The following CNTLN variants were observed in gnomAD, a reference collection of about 807,000 sequenced individuals.
CNTLN encodes centlein.
In CNTLN, 212 loss-of-function variants were observed where a neutral mutation model predicts 180.0. The ratio of observed to expected loss-of-function variants is 1.18; its 90% CI spans 1.05 to 1.32. The LOEUF (loss-of-function observed/expected upper bound fraction) is 1.32. CNTLN is among the 40% of genes most tolerant of loss of function. CNTLN has a pLI of 0.00. For synonymous variants in CNTLN, 722 were observed against 563.1 expected (o/e 1.28, Z -3.99); for missense variants, 2,095 against 1,610.9 (o/e 1.30, Z -5.14).
At chr9:17,205,674 T>C (rs773238667) in intron 2 of CNTLN, among the ~76,000 whole-genome samples, 6 of 152,162 alleles carry the variant, frequency 3.9e-5, no homozygotes, top group Non-Finnish European at 8.8e-5. Context: ...TCTTGGTCAG[T>C]AGCAAATGGC....
At chr9:17,361,670 C>G (rs1046919218) in intron 12 of CNTLN, among the ~76,000 whole-genome samples, 1 of 152,202 alleles carries the variant, frequency 6.6e-6, no homozygotes, top group African/African-American at 2.4e-5. Context: ...AAACTGCAGT[C>G]TCTTGTTTCA....
At chr9:17,294,835 G>GT (rs1817719651) in intron 6 of CNTLN, among the ~76,000 whole-genome samples, 1 of 27,988 alleles carries the variant, frequency 3.6e-5, no homozygotes, top group Non-Finnish European at 6.4e-5. Context: ...AGGGCGGGGA[G>GT]GAGGGGGGAG....
intron 6 of CNTLN, among the ~76,000 whole-genome samples, chr9:17,285,090 G>A (rs1483739103): frequency 6.7e-6 from 1 of 149,886 alleles, no homozygotes; most frequent in Non-Finnish European, 1.5e-5. Context: ...TGCCATGCTG[G>A]TGCGCTGCAC....
intron 21 of CNTLN, among the ~76,000 whole-genome samples, chr9:17,465,141 G>A (rs1831673609): frequency 6.8e-6 from 1 of 147,334 alleles, no homozygotes. Flanking sequence ...TTTTTTTGAA[G>A]GTGCTTTTTT....
chr9:17,312,913 A>G (rs1296572110), intron 8 of CNTLN, among the ~76,000 whole-genome samples: 1 of 152,154 alleles, frequency 6.6e-6, no homozygotes, highest in Non-Finnish European at 1.5e-5. Context: ...TGCTTTAGAA[A>G]GGAGTGTTAA....
chr9:17,356,334 C>T (rs1397290897), intron 12 of CNTLN, among the ~76,000 whole-genome samples: 1 of 152,152 alleles, frequency 6.6e-6, no homozygotes. Context: ...GTAAACTCAT[C>T]TGTTAATTAT....
intron 5 of CNTLN, among the ~76,000 whole-genome samples, chr9:17,268,198 T>G (rs10962977): frequency 0.2 from 29,873 of 152,092 alleles, 3,581 homozygotes; most frequent in African/African-American, 0.33. Context: ...TGGTGGTGAC[T>G]TACAGATGGG....
chr9:17,305,108 G>A (rs376018115), intron 7 of CNTLN, among the ~76,000 whole-genome samples: 6 of 152,180 alleles, frequency 3.9e-5, no homozygotes, highest in East Asian at 1.9e-4. Flanking sequence ...TCGAAAAGGC[G>A]TTCTTCAGTC....
intron 12 of CNTLN, among the ~76,000 whole-genome samples, chr9:17,344,257 T>C (rs571165849): frequency 1.7e-4 from 26 of 152,238 alleles, no homozygotes; most frequent in Non-Finnish European, 3.2e-4. Context: ...ATTTGCACTT[T>C]ACAAATAGCT....
intron 2 of CNTLN, among the ~76,000 whole-genome samples, chr9:17,178,148 T>A (rs1324598791): frequency 6.6e-6 from 1 of 151,594 alleles, no homozygotes; most frequent in African/African-American, 2.4e-5. Context: ...ACATAAAGGT[T>A]CTCCCAGTTC....
At chr9:17,441,861 C>G (rs928185551) in intron 18 of CNTLN, among the ~76,000 whole-genome samples, 5 of 152,006 alleles carry the variant, frequency 3.3e-5, no homozygotes, top group African/African-American at 9.7e-5. Flanking sequence ...AACTATATTC[C>G]ATACAAAGGG....
At chr9:17,306,896 T>A (rs946372564) in intron 7 of CNTLN, among the ~76,000 whole-genome samples, 2 of 152,150 alleles carry the variant, frequency 1.3e-5, no homozygotes, top group African/African-American at 4.8e-5. Flanking sequence ...GAGAAGACCG[T>A]CACTCATCAT....
intron 11 of CNTLN, among the ~76,000 whole-genome samples, chr9:17,341,565 G>T (rs1261922282): frequency 2.0e-5 from 3 of 152,132 alleles, no homozygotes; most frequent in Non-Finnish European, 4.4e-5. Flanking sequence ...GACTGAATGA[G>T]TACAGAAAAT....
At position 17,232,187 on chromosome 9, in the gene CNTLN, T is replaced by G. The variant is rs536731369; in HGVS notation, c.535-3471T>G. ...TGTTGATTTATACAAACTTTTACAC[T>G]TTTAGAGTTTATCAGTGCTCTTGTG... On this transcript the variant is annotated intron_variant, in intron 3 of 25. Transcript: ENST00000380647. Among the ~76,000 whole-genome samples, 4 of 152,182 alleles carry G rather than the reference T, an allele frequency of 2.6e-5. No homozygotes were observed. The East Asian group carries it at 7.7e-4, about 29-fold the overall frequency.
intron 2 of CNTLN, among the ~76,000 whole-genome samples, chr9:17,150,239 G>A (rs1399739010): frequency 6.6e-6 from 1 of 152,200 alleles, no homozygotes; most frequent in Non-Finnish European, 1.5e-5. Context: ...CATATGTCCT[G>A]AATGGTATTG....
intron 10 of CNTLN, among the ~76,000 whole-genome samples, chr9:17,334,528 G>A (rs9298775): frequency 0.59 from 89,807 of 151,908 alleles, 26,842 homozygotes; most frequent in East Asian, 0.73. Flanking sequence ...ATTGGCTTAC[G>A]TGATAATGGA....
chr9:17,352,415 TA>T (rs1393574817), intron 12 of CNTLN, among the ~76,000 whole-genome samples: 957 of 12,308 alleles, frequency 0.078, 8 homozygotes, highest in East Asian at 0.3. Flanking sequence ...TATATATATA[TA>T]TTTTTTTTTT....
chr9:17,442,721 C>G (rs945491204), intron 18 of CNTLN, among the ~76,000 whole-genome samples: 3 of 152,062 alleles, frequency 2.0e-5, no homozygotes, highest in Non-Finnish European at 2.9e-5. Context: ...CTTAAACAAC[C>G]AATGGGTTAA....
chr9:17,152,333 G>A (rs946512678), intron 2 of CNTLN, among the ~76,000 whole-genome samples: 1 of 152,142 alleles, frequency 6.6e-6, no homozygotes, highest in African/African-American at 2.4e-5. Flanking sequence ...TGCTTTAGCT[G>A]TGTCCCAGAG....
Sources: gnomAD v4.1 joint callset for allele counts (sites outside exome capture counted in the v4.1 genomes callset) on GRCh38, gnomAD v4.1.1 for gene constraint, MANE v1.5 for transcripts, NCBI Gene and HGNC (gene_info 2026-07-23, HGNC 2026-07-21) for gene names.